CA8: variants seen among roughly 807,000 people sequenced by gnomAD.
CA8 encodes carbonic anhydrase 8 (inactive).
In CA8, 22 loss-of-function variants were observed where a neutral mutation model predicts 41.4. The observed-to-expected ratio is 0.53, with a 90% CI of 0.38 to 0.76. The LOEUF (loss-of-function observed/expected upper bound fraction) is 0.76, where lower values mean the gene tolerates loss of function less well. Among genes scored for constraint, CA8 ranks in the 30% least tolerant of loss-of-function variants. The pLI, the probability that CA8 is intolerant of heterozygous loss-of-function variation, is 0.00. For synonymous variants in CA8, 121 were observed against 130.6 expected (o/e 0.93, Z 0.50); for missense variants, 270 against 352.8 (o/e 0.77, Z 1.88).
intron 3 of CA8, among the ~76,000 whole-genome samples, chr8:60,260,799 A>C (rs760811554): frequency 6.6e-6 from 1 of 152,158 alleles, no homozygotes; most frequent in African/African-American, 2.4e-5. Context: ...ATCCCATTAC[A>C]TCTCCTTGGA....
intron 8 of CA8, among the ~76,000 whole-genome samples, chr8:60,193,108 C>T (rs1388617055): frequency 6.6e-6 from 1 of 152,102 alleles, no homozygotes; most frequent in African/African-American, 2.4e-5. Flanking sequence ...AGGTGAACTA[C>T]ATGTGTTAAT....
intron 3 of CA8, among the ~76,000 whole-genome samples, chr8:60,256,901 A>G (rs1393027532): frequency 6.6e-6 from 1 of 152,044 alleles, no homozygotes; most frequent in Non-Finnish European, 1.5e-5. Flanking sequence ...AAAAAAGAAG[A>G]CTTTACATTA....
chr8:60,190,173 T>A (rs1484061798), intron 8 of CA8, among the ~76,000 whole-genome samples, 188 bp from the exon 9 acceptor site: 1 of 151,886 alleles, frequency 6.6e-6, no homozygotes, highest in Non-Finnish European at 1.5e-5. Context: ...AAGTTTACCA[T>A]AATTTTATTT....
intron 3 of CA8, among the ~76,000 whole-genome samples, chr8:60,261,144 G>T (rs1191838850): frequency 1.3e-5 from 2 of 152,016 alleles, no homozygotes; most frequent in East Asian, 3.9e-4. Context: ...ATAGTTTAAG[G>T]ATTAGCAATA....
intron 3 of CA8, among the ~76,000 whole-genome samples, chr8:60,240,086 G>A (rs1050010669): frequency 5.3e-5 from 8 of 152,146 alleles, no homozygotes; most frequent in African/African-American, 1.7e-4. Flanking sequence ...GTGAGATAAC[G>A]AAAGAGGGAC....
intron 8 of CA8, among the ~76,000 whole-genome samples, chr8:60,200,001 T>C (rs1806377114): frequency 6.6e-6 from 1 of 152,242 alleles, no homozygotes; most frequent in Admixed American, 6.5e-5. Context: ...AGAACTCCTA[T>C]GTTAAAATCT....
intron 3 of CA8, among the ~76,000 whole-genome samples, chr8:60,247,299 T>A (rs1468049227): frequency 2.0e-5 from 3 of 152,192 alleles, no homozygotes; most frequent in African/African-American, 7.2e-5. Flanking sequence ...GCCGGATTGT[T>A]ACATAGGTAT....
Position 60,185,428 on chromosome 8 carries a change from C to A in CA8, c.*4593G>T, listed in dbSNP as rs1805936245. ...TCAAGGAAATAATGGCTCAAACATC[C>A]CAAATTTAATATTTTTCTTAAAAAA... is the stretch of plus-strand genomic sequence containing the variant. On this transcript the variant is annotated 3_prime_UTR_variant, in exon 9 of 9. Transcript: ENST00000317995. Among the ~76,000 whole-genome samples, 1 of 151,438 alleles carries A rather than the reference C, an allele frequency of 6.6e-6. No homozygotes were observed. The highest frequency in any genetic ancestry group is 1.5e-5 in the Non-Finnish European group (1 of 67,872).
intron 3 of CA8, among the ~76,000 whole-genome samples, chr8:60,252,995 T>G: frequency 6.6e-6 from 1 of 151,930 alleles, no homozygotes; most frequent in East Asian, 1.9e-4. Flanking sequence ...TTCGGGAGGC[T>G]GAGGCAGGCA....
chr8:60,271,175 C>T (rs573299194), intron 2 of CA8, among the ~76,000 whole-genome samples: 1 of 152,152 alleles, frequency 6.6e-6, no homozygotes, highest in South Asian at 2.1e-4. Context: ...AGACCCCTGT[C>T]TCTACCAAAA....
chr8:60,251,975 C>G (rs943242800), intron 3 of CA8, among the ~76,000 whole-genome samples: 6 of 152,236 alleles, frequency 3.9e-5, no homozygotes, highest in Non-Finnish European at 7.4e-5. Flanking sequence ...ACAATACTGG[C>G]TTTCACATCA....
intron 8 of CA8, among the ~76,000 whole-genome samples, chr8:60,201,549 A>G (rs1806429237): frequency 2.0e-5 from 3 of 152,242 alleles, no homozygotes; most frequent in African/African-American, 7.2e-5. Context: ...TGAGAGATCC[A>G]GTAAAATGAG....
intron 8 of CA8, among the ~76,000 whole-genome samples, chr8:60,204,392 T>C (rs1806519464): frequency 6.6e-6 from 1 of 152,182 alleles, no homozygotes. Context: ...CCAAACACAA[T>C]TTTGTTTTAA....
chr8:60,231,020 A>G (rs1056588078), intron 4 of CA8, among the ~76,000 whole-genome samples: 2 of 152,160 alleles, frequency 1.3e-5, no homozygotes, highest in African/African-American at 4.8e-5. Flanking sequence ...CTTACTTTTA[A>G]TAATGAGATA....
intron 3 of CA8, among the ~76,000 whole-genome samples, chr8:60,237,533 G>T (rs1807876067): frequency 6.6e-6 from 1 of 152,152 alleles, no homozygotes; most frequent in Non-Finnish European, 1.5e-5. Context: ...ACTCCTCCAG[G>T]GTCCACTGGA....
At chr8:60,200,828 C>T (rs1401794528) in intron 8 of CA8, among the ~76,000 whole-genome samples, 2 of 152,194 alleles carry the variant, frequency 1.3e-5, no homozygotes, top group Non-Finnish European at 2.9e-5. Context: ...TGGTACAAAT[C>T]AACCAGAGCT....
At chr8:60,270,000 C>T (rs1383721959) in intron 2 of CA8, among the ~76,000 whole-genome samples, 2 of 152,038 alleles carry the variant, frequency 1.3e-5, no homozygotes, top group African/African-American at 4.8e-5. Flanking sequence ...AGCGAAGAGC[C>T]TGAGAAATAT....
chr8:60,207,827 C>G (rs899953671), intron 8 of CA8, among the ~76,000 whole-genome samples: 9 of 152,198 alleles, frequency 5.9e-5, no homozygotes, highest in Non-Finnish European at 1.0e-4. Flanking sequence ...GTGATCTCAG[C>G]TGACTGCGGC....
chr8:60,266,389 A>C (rs1368220872), intron 2 of CA8, among the ~76,000 whole-genome samples: 1 of 152,240 alleles, frequency 6.6e-6, no homozygotes, highest in Non-Finnish European at 1.5e-5. Flanking sequence ...ATCAGGAGAC[A>C]AAAATATGGT....
Sources: gnomAD v4.1 joint callset for allele counts (sites outside exome capture counted in the v4.1 genomes callset) on GRCh38, gnomAD v4.1.1 for gene constraint, MANE v1.5 for transcripts, NCBI Gene and HGNC (gene_info 2026-07-23, HGNC 2026-07-21) for gene names.